The following PTH1R variants were observed in gnomAD, a reference collection of about 807,000 sequenced individuals.
The protein encoded by PTH1R is parathyroid hormone/parathyroid hormone-related peptide receptor.
Under a neutral mutation model 70.7 loss-of-function variants are expected in PTH1R, and 32 were observed. The ratio of observed to expected loss-of-function variants is 0.45; its 90% CI spans 0.34 to 0.61. PTH1R has a LOEUF of 0.61. Among genes scored for constraint, PTH1R ranks in the 20% least tolerant of loss-of-function variants. The pLI, the probability that PTH1R is intolerant of heterozygous loss-of-function variation, is 0.01. For missense variants in PTH1R, 626 were observed against 792.5 expected, an observed-to-expected ratio of 0.79 and a Z score of 2.52; for synonymous variants, 329 against 324.8, an observed-to-expected ratio of 1.01 and a Z score of -0.14.
At position 46,903,263 on chromosome 3, in the gene PTH1R, C is replaced by A; in HGVS notation, c.1396-7C>A. ...ACACCTGACTGCCGCACCCTTACTG[C>A]CCCAAGGTACAAGCTGAGATCAAGA... On this transcript the variant is annotated splice_polypyrimidine_tract_variant and splice_region_variant and intron_variant, in intron 15 of 15. Coordinates refer to ENST00000449590, the MANE Select transcript of PTH1R (RefSeq NM_000316.3). This position sits in a 1 kb window ranked among gnomAD's most constrained non-coding sequence, Gnocchi z 4.4. 1 of 1,612,442 alleles carries A rather than the reference C, an allele frequency of 6.2e-7. No homozygotes were observed. The highest frequency in any genetic ancestry group is 1.3e-5 in the African/African-American group (1 of 75,012).
intron 3 of PTH1R, among the ~76,000 whole-genome samples, chr3:46,890,019 A>G (rs1186556507): frequency 6.6e-6 from 1 of 152,190 alleles, no homozygotes; most frequent in Non-Finnish European, 1.5e-5. Flanking sequence ...CTTCATCCCC[A>G]GGAGATAAGG....
Position 46,903,051 on chromosome 3 carries a change from C to T in PTH1R, c.1396-219C>T. ...ATTATCTGTGACCCAGATTGGAGGA[C>T]TCAGCCACCTTTGGGGCAATTTGAG... On this transcript the variant is annotated intron_variant, in intron 15 of 15. Coordinates refer to ENST00000449590, the MANE Select transcript of PTH1R (RefSeq NM_000316.3). The surrounding 1 kb of genome is among the most constrained non-coding windows in gnomAD (Gnocchi z 4.4). The T allele has an allele frequency of 9.6e-7, 1 of 1,041,824 alleles. No individual in the cohort carries two copies. The highest frequency in any genetic ancestry group is 1.4e-6 in the Non-Finnish European group (1 of 697,182). The allele number at this position is 1,041,824 out of a possible 1,614,324, so 64.5% of individuals were successfully genotyped here.
chr3:46,898,444 G>A lies in PTH1R; in HGVS notation c.610G>A (p.Val204Ile), dbSNP rs1361353471. 6 of 1,614,008 alleles carry A rather than the reference G, an allele frequency of 3.7e-6. No individual in the cohort carries two copies. In the South Asian group the frequency reaches 4.4e-5, roughly 12 times the overall value. The change falls in exon 8 of 16, where the codon GTA becomes ATA. Residue 204 changes from valine (V) to isoleucine (I), a missense_variant. Transcript: ENST00000449590. ...GYSVSLASLT[V>I]AVLILAYFRR... ...CTCCGTGTCCCTGGCGTCCCTCACC[G>A]TAGCTGTGCTCATCCTGGCCTACTT...
At chr3:46,899,067 C>T (rs1391839768) in intron 9 of PTH1R, among the ~76,000 whole-genome samples, 1 of 152,242 alleles carries the variant, frequency 6.6e-6, no homozygotes, top group Non-Finnish European at 1.5e-5. Context: ...ACACGCCCCG[C>T]GCTGCCATCA....
chr3:46,902,068 T>A lies in PTH1R; in HGVS notation c.1211+208T>A, dbSNP rs2032160337. ...ACCCCAAAGCCAGCCTGCCCACTTG[T>A]ACCAGGCCCTGCACTAGAGCTGGAG... On this transcript the variant is annotated intron_variant, in intron 13 of 15. Transcript: ENST00000449590. The surrounding 1 kb of genome is among the most constrained non-coding windows in gnomAD (Gnocchi z 5.4). 6.6e-6 allele frequency among the ~76,000 whole-genome samples: 1 copy of A among 152,208 alleles called. No individual in the cohort carries two copies. Among genetic ancestry groups the A allele is most frequent in the Admixed American group, 6.5e-5 (1 of 15,284 alleles).
At position 46,888,143 on chromosome 3, in the gene PTH1R, C is replaced by T. The variant is rs184172455; in HGVS notation, c.75+4509C>T. 2.0e-5 allele frequency among the ~76,000 whole-genome samples: 3 copies of T among 152,316 alleles called. No individual in the cohort carries two copies. The East Asian group carries it at 5.8e-4, about 29-fold the overall frequency. On this transcript the variant is annotated intron_variant, in intron 3 of 15. Transcript: ENST00000449590. ...GATGTTAAGAGGATTCTTTGTGTTT[C>T]ACCTTTGCTTGGATAGGTGAAAATG... is the stretch of plus-strand genomic sequence containing the variant.
chr3:46,889,525 T>C (rs1187438428), intron 3 of PTH1R, among the ~76,000 whole-genome samples: 1 of 152,154 alleles, frequency 6.6e-6, no homozygotes, highest in Non-Finnish European at 1.5e-5. Context: ...CCCTCCTCTT[T>C]CTGTGACTCT....
chr3:46,885,379 A>G (rs1354647101), intron 3 of PTH1R, among the ~76,000 whole-genome samples: 2 of 152,224 alleles, frequency 1.3e-5, no homozygotes, highest in South Asian at 2.1e-4. Context: ...TCTACTTGCC[A>G]TTGTTCTAAG....
rs534585001 is a variant in PTH1R, at chr3:46,902,447, G to T, written c.1212-79G>T. 2 of 1,571,606 alleles carry T rather than the reference G, an allele frequency of 1.3e-6. No homozygotes were observed. Among genetic ancestry groups the T allele is most frequent in the East Asian group, 2.3e-5 (1 of 42,698 alleles). On this transcript the variant is annotated intron_variant, in intron 13 of 15. Coordinates refer to ENST00000449590, the MANE Select transcript of PTH1R (RefSeq NM_000316.3). The surrounding 1 kb of genome is among the most constrained non-coding windows in gnomAD (Gnocchi z 5.4). Reference sequence around the variant, plus strand: ...CCCCTTTGAGCTTCCGGAGCCTGGGGCTCGCAGGGTGGGGGGTGGCACAAT... The same window carrying T: ...CCCCTTTGAGCTTCCGGAGCCTGGGTCTCGCAGGGTGGGGGGTGGCACAAT...
rs780876926 is a variant in PTH1R at position 46,901,506 on chromosome 3, CAG to C, written c.1116+27_1116+28del. 3.9e-5 allele frequency: 60 copies of C among 1,556,000 alleles called. No homozygotes were observed. The Admixed American group carries it at 1.0e-3, about 26-fold the overall frequency. ...GTGAGCAGGGGTGGGCTGCTGGCCA[CAG>C]GGGTGGGTGGGATGTGCGCCTGCGT... is the stretch of plus-strand genomic sequence containing the variant. On this transcript the variant is annotated intron_variant, in intron 12 of 15. Transcript: ENST00000449590. The surrounding 1 kb of genome is among the most constrained non-coding windows in gnomAD (Gnocchi z 7.3).
chr3:46,886,454 T>A (rs1445349731), intron 3 of PTH1R, among the ~76,000 whole-genome samples: 1 of 152,030 alleles, frequency 6.6e-6, no homozygotes, highest in African/African-American at 2.4e-5. Flanking sequence ...GCCTCCCGGG[T>A]TCACGCCGTT....
At position 46,902,460 on chromosome 3, in the gene PTH1R, G is replaced by C; in HGVS notation, c.1212-66G>C. On this transcript the variant is annotated intron_variant, in intron 13 of 15. Coordinates refer to ENST00000449590, the MANE Select transcript of PTH1R (RefSeq NM_000316.3). The surrounding 1 kb of genome is among the most constrained non-coding windows in gnomAD (Gnocchi z 5.4). ...CCGGAGCCTGGGGCTCGCAGGGTGG[G>C]GGGTGGCACAATGCTTGTTGAAGGG... The C allele has an allele frequency of 6.3e-7, 1 of 1,590,176 alleles. No homozygotes were observed. The highest frequency in any genetic ancestry group is 2.3e-5 in the East Asian group (1 of 43,754).
chr3:46,903,697 C>G lies in PTH1R; in HGVS notation c.*41C>G. The G allele has an allele frequency of 6.2e-7, 1 of 1,601,000 alleles. No individual in the cohort carries two copies. Among genetic ancestry groups the G allele is most frequent in the Middle Eastern group, 1.7e-4 (1 of 6,056 alleles). On this transcript the variant is annotated 3_prime_UTR_variant, in exon 16 of 16. Transcript: ENST00000449590. The surrounding 1 kb of genome is among the most constrained non-coding windows in gnomAD (Gnocchi z 4.4). The stretch of plus-strand genomic sequence containing the variant: ...TGGACCTGCTGACATAGTGGATGGA[C>G]AGATGGACCAAAAGATGGGTGGTTG...
rs1042300589 is a variant in PTH1R at position 46,902,295 on chromosome 3, G to T, written c.1212-231G>T. On this transcript the variant is annotated intron_variant, in intron 13 of 15. Coordinates refer to ENST00000449590, the MANE Select transcript of PTH1R (RefSeq NM_000316.3). The surrounding 1 kb of genome is among the most constrained non-coding windows in gnomAD (Gnocchi z 5.4). The stretch of plus-strand genomic sequence containing the variant: ...CACAGGTGCGAAGGGCCCAGGGACA[G>T]GGGGACTGTCATTTGAAGTCCGCTC... Among the ~76,000 whole-genome samples the T allele has an allele frequency of 6.6e-6, 1 of 152,180 alleles. No individual in the cohort carries two copies. Among genetic ancestry groups the T allele is most frequent in the Non-Finnish European group, 1.5e-5 (1 of 68,034 alleles).
chr3:46,903,186 T>C lies in PTH1R; in HGVS notation c.1396-84T>C. On this transcript the variant is annotated intron_variant, in intron 15 of 15. Transcript: ENST00000449590. This position sits in a 1 kb window ranked among gnomAD's most constrained non-coding sequence, Gnocchi z 4.4. Reference sequence around the variant, plus strand: ...AGGAGTCCCCTATTCCCATTTTCATTCCGTGCTGGGTGTCCAGGGGCCGGG... The same window carrying C: ...AGGAGTCCCCTATTCCCATTTTCATCCCGTGCTGGGTGTCCAGGGGCCGGG... 6.3e-7 allele frequency: 1 copy of C among 1,576,624 alleles called. No individual in the cohort carries two copies. The highest frequency in any genetic ancestry group is 1.4e-5 in the African/African-American group (1 of 73,926).
At position 46,898,668 on chromosome 3, in the gene PTH1R, G is replaced by T. The variant is rs201490454; in HGVS notation, c.645G>T (p.Leu215=). The change falls in exon 9 of 16, where the codon CTG becomes CTT. Residue 215 remains leucine, a synonymous_variant. Coordinates refer to ENST00000449590, the MANE Select transcript of PTH1R (RefSeq NM_000316.3). ...AVLILAYFRR[L]HCTRNYIHMH... is the part of the protein sequence containing the mutation. ...CATGTCGCGCGCCCCGCAGGCGGCT[G>T]CACTGCACGCGCAACTACATCCACA... is the stretch of plus-strand genomic sequence containing the variant. 162 of 1,612,066 alleles carry T rather than the reference G, an allele frequency of 1.0e-4. No homozygotes were observed. The highest frequency in any genetic ancestry group is 1.2e-4 in the Non-Finnish European group (146 of 1,179,756).
chr3:46,883,671 C>A lies in PTH1R; in HGVS notation c.75+37C>A. 1 of 1,544,620 alleles carries A rather than the reference C, an allele frequency of 6.5e-7. No individual in the cohort carries two copies. Among genetic ancestry groups the A allele is most frequent in the South Asian group, 1.2e-5 (1 of 84,048 alleles). ...GCCGCCAACACTCCGGGACAGGCTG[C>A]GGGCTTACCCTAGGGTCCGCGGGAT... On this transcript the variant is annotated intron_variant, in intron 3 of 15. Transcript: ENST00000449590. The surrounding 1 kb of genome is among the most constrained non-coding windows in gnomAD (Gnocchi z 6.4).
intron 1 of PTH1R, among the ~76,000 whole-genome samples, chr3:46,878,894 A>G (rs1394817592): frequency 2.0e-5 from 3 of 151,696 alleles, no homozygotes; most frequent in Non-Finnish European, 4.4e-5. Context: ...ACAGGGACTC[A>G]CTCCTACTCC....
chr3:46,901,837 G>A lies in PTH1R; in HGVS notation c.1188G>A (p.Arg396=), dbSNP rs1259599317. ...AGCTGCGGGAGACCAACGCCGGCCG[G>A]TGTGACACACGGCAGCAGTACCGGT... ...ATKLRETNAG[R]CDTRQQYRKL... is the part of the protein sequence containing the mutation. Residue 396 remains arginine (R), a synonymous_variant, in exon 13 of 16, where the codon CGG becomes CGA. Transcript: ENST00000449590. This position sits in a 1 kb window ranked among gnomAD's most constrained non-coding sequence, Gnocchi z 7.3. 1.2e-6 allele frequency: 2 copies of A among 1,613,870 alleles called. No individual in the cohort carries two copies. Among genetic ancestry groups the A allele is most frequent in the Middle Eastern group, 1.6e-4 (1 of 6,062 alleles).
Sources: gnomAD v4.1 joint callset for allele counts (sites outside exome capture counted in the v4.1 genomes callset) on GRCh38, gnomAD v4.1.1 for gene constraint, Gnocchi (gnomAD v3.1) non-coding constraint, MANE v1.5 for transcripts, NCBI Gene and HGNC (gene_info 2026-07-23, HGNC 2026-07-21) for gene names.